SLC4A10: variants seen among roughly 807,000 people sequenced by gnomAD.
SLC4A10 encodes the protein sodium-driven chloride bicarbonate exchanger.
A neutral mutation model predicts 137.7 loss-of-function variants in SLC4A10; 42 were observed. The observed-to-expected ratio is 0.30, with a 90% CI of 0.24 to 0.39. The LOEUF (loss-of-function observed/expected upper bound fraction) is 0.39. Among genes scored for constraint, SLC4A10 ranks in the 10% least tolerant of loss-of-function variants. The pLI, the probability that SLC4A10 is intolerant of heterozygous loss-of-function variation, is 1.00. For missense variants in SLC4A10, 925 were observed against 1,355.0 expected, an observed-to-expected ratio of 0.68 and a Z score of 4.98; for synonymous variants, 474 against 464.1, an observed-to-expected ratio of 1.02 and a Z score of -0.27.
At chr2:161,802,012 T>G (rs2055422023) in intron 2 of SLC4A10, among the ~76,000 whole-genome samples, 1 of 152,096 alleles carries the variant, frequency 6.6e-6, no homozygotes, top group South Asian at 2.1e-4. Context: ...GACACATATA[T>G]GTATTAATTC....
chr2:161,776,589 C>A lies in SLC4A10; in HGVS notation c.130+5535C>A, dbSNP rs555674591. Among the ~76,000 whole-genome samples, 12 of 151,908 alleles carry A rather than the reference C, an allele frequency of 7.9e-5. No individual in the cohort carries two copies. In the East Asian group the frequency reaches 2.1e-3, roughly 27 times the overall value. The stretch of plus-strand genomic sequence containing the variant: ...CATCTCATTGCATATACCACATTTC[C>A]CCTGTCCTTTCAACTGTAGAACTTT... On this transcript the variant is annotated intron_variant, in intron 2 of 26. Coordinates refer to ENST00000446997, the MANE Select transcript of SLC4A10 (RefSeq NM_001178015.2).
chr2:161,717,549 T>G (rs1383590687), intron 1 of SLC4A10, among the ~76,000 whole-genome samples: 1 of 152,206 alleles, frequency 6.6e-6, no homozygotes, highest in East Asian at 1.9e-4. Context: ...AATGAGATAA[T>G]CACGTGGCTT....
chr2:161,892,742 T>C (rs1340628338), intron 10 of SLC4A10, among the ~76,000 whole-genome samples: 1 of 152,106 alleles, frequency 6.6e-6, no homozygotes, highest in Non-Finnish European at 1.5e-5. Flanking sequence ...AATACTTGTA[T>C]CATTTCATCC....
intron 1 of SLC4A10, among the ~76,000 whole-genome samples, chr2:161,634,388 T>G (rs561672751): frequency 6.6e-6 from 1 of 151,976 alleles, no homozygotes; most frequent in South Asian, 2.1e-4. Context: ...TTTTTTCCCA[T>G]TGAAAAGTCA....
At chr2:161,814,189 C>A (rs1446538319) in intron 3 of SLC4A10, among the ~76,000 whole-genome samples, 1 of 152,024 alleles carries the variant, frequency 6.6e-6, no homozygotes, top group Non-Finnish European at 1.5e-5. Context: ...CTCAATATCA[C>A]GAATCATCAG....
intron 8 of SLC4A10, among the ~76,000 whole-genome samples, chr2:161,876,804 A>G (rs757586799): frequency 1.3e-5 from 2 of 151,986 alleles, no homozygotes; most frequent in Admixed American, 1.3e-4. Context: ...GTAACTATAC[A>G]TAATATAGAA....
intron 19 of SLC4A10, among the ~76,000 whole-genome samples, chr2:161,954,983 G>T (rs778260897): frequency 6.6e-6 from 1 of 152,126 alleles, no homozygotes; most frequent in Non-Finnish European, 1.5e-5. Flanking sequence ...GTACAAGCCT[G>T]ACTCTCAAGG....
chr2:161,753,999 C>T (rs2049303905), intron 1 of SLC4A10, among the ~76,000 whole-genome samples: 1 of 151,830 alleles, frequency 6.6e-6, no homozygotes, highest in Non-Finnish European at 1.5e-5. Flanking sequence ...AAGTGATTCT[C>T]CTGCCTCAGC....
Position 161,905,656 on chromosome 2 carries a change from C to G in SLC4A10, c.1766C>G (p.Ser589Ter). The G allele has an allele frequency of 1.9e-6, 3 of 1,608,986 alleles. No homozygotes were observed. The highest frequency in any genetic ancestry group is 2.5e-6 in the Non-Finnish European group (3 of 1,177,740). The change falls in exon 15 of 27, where the codon TCA (serine) becomes TGA (stop). Residue 589 changes from serine (S) to a stop codon, truncating the protein, a stop_gained. Coordinates refer to ENST00000446997, the MANE Select transcript of SLC4A10 (RefSeq NM_001178015.2). LOFTEE classifies it high-confidence loss of function. Reference sequence around the variant, plus strand: ...CCTCCTCCCAGAGAATATGGGCTGTCATACCTATCTTTAAGAGCTAGCATT... The same window carrying G: ...CCTCCTCCCAGAGAATATGGGCTGTGATACCTATCTTTAAGAGCTAGCATT... Reference protein sequence around the residue: ...LFKFCKEYGLSYLSLRASIGL... With the variant: ...LFKFCKEYGL
At chr2:161,795,409 G>A (rs937282193) in intron 2 of SLC4A10, among the ~76,000 whole-genome samples, 2 of 152,026 alleles carry the variant, frequency 1.3e-5, no homozygotes, top group African/African-American at 4.8e-5. Context: ...TGACTGACAT[G>A]TAAAAAGCTG....
chr2:161,641,608 C>G (rs888750430), intron 1 of SLC4A10, among the ~76,000 whole-genome samples: 13 of 151,952 alleles, frequency 8.6e-5, no homozygotes, highest in African/African-American at 3.1e-4. Context: ...TATAGTAGTA[C>G]TTTCTATTTA....
At chr2:161,948,612 A>G (rs1224221719) in intron 17 of SLC4A10, among the ~76,000 whole-genome samples, 1 of 152,186 alleles carries the variant, frequency 6.6e-6, no homozygotes. Context: ...ATGGCTTTAA[A>G]AATTGGCTCA....
chr2:161,727,117 G>A (rs1377912482), intron 1 of SLC4A10, among the ~76,000 whole-genome samples: 1 of 152,170 alleles, frequency 6.6e-6, no homozygotes, highest in Non-Finnish European at 1.5e-5. Context: ...ACAGTTAAAG[G>A]TGGAAAACAC....
At chr2:161,812,098 C>T (rs1482430009) in intron 3 of SLC4A10, among the ~76,000 whole-genome samples, 1 of 151,920 alleles carries the variant, frequency 6.6e-6, no homozygotes, top group Non-Finnish European at 1.5e-5. Flanking sequence ...AGTCTATAGT[C>T]TCTCTATTTT....
At chr2:161,977,408 C>T in intron 25 of SLC4A10, 1 of 483,262 alleles carries the variant, frequency 2.1e-6, no homozygotes. Flanking sequence ...TGTAAATGTA[C>T]AAACAACTCC....
chr2:161,788,817 T>C (rs182528453), intron 2 of SLC4A10, among the ~76,000 whole-genome samples: 1 of 152,252 alleles, frequency 6.6e-6, no homozygotes, highest in African/African-American at 2.4e-5. Context: ...CTAGGTGGCA[T>C]TGGCTCACTT....
intron 1 of SLC4A10, among the ~76,000 whole-genome samples, chr2:161,656,371 C>A (rs1005540852): frequency 2.0e-5 from 3 of 151,952 alleles, no homozygotes; most frequent in Non-Finnish European, 4.4e-5. Flanking sequence ...ATTTTAGTGG[C>A]AGAGTATTAA....
intron 1 of SLC4A10, among the ~76,000 whole-genome samples, chr2:161,660,357 G>A (rs983421039): frequency 2.0e-5 from 3 of 152,126 alleles, no homozygotes; most frequent in African/African-American, 7.2e-5. Flanking sequence ...CGTGTGGCAC[G>A]TTCCATCTGC....
At chr2:161,785,694 A>G (rs1027791052) in intron 2 of SLC4A10, among the ~76,000 whole-genome samples, 1 of 151,806 alleles carries the variant, frequency 6.6e-6, no homozygotes, top group Admixed American at 6.6e-5. Context: ...GTAGCTCAAC[A>G]CAATAAAGGC....
Sources: allele counts gnomAD v4.1 joint callset (sites outside exome capture counted in the v4.1 genomes callset), GRCh38; gene constraint gnomAD v4.1.1; transcripts MANE v1.5; gene names NCBI Gene and HGNC (gene_info 2026-07-23, HGNC 2026-07-21).